Variants in AIFM3 observed in about 807,000 individuals in gnomAD.
AIFM3 encodes apoptosis-inducing factor 3.
AIFM3 carries 71 observed loss-of-function variants against 82.7 expected under a neutral mutation model. That is an observed-to-expected ratio of 0.86 (90% confidence interval 0.71 to 1.05). The LOEUF (loss-of-function observed/expected upper bound fraction) is 1.05, where lower values mean the gene tolerates loss of function less well. AIFM3 is among the 50% of genes least tolerant of loss of function. The pLI is 0.00. For synonymous variants in AIFM3, 337 were observed against 329.1 expected (o/e 1.02, Z -0.26); for missense variants, 748 against 816.7 (o/e 0.92, Z 1.03).
chr22:20,974,549 A>G lies in AIFM3; in HGVS notation c.535A>G (p.Lys179Glu), dbSNP rs144287643. 2 of 1,613,412 alleles carry G rather than the reference A, an allele frequency of 1.2e-6. No homozygotes were observed. The highest frequency in any genetic ancestry group is 2.7e-5 in the African/African-American group (2 of 74,926). The change falls in exon 7 of 21, where the codon AAG becomes GAG. Residue 179 changes from lysine (K) to glutamate (E), a missense_variant. Lys to Glu is a moderately conservative substitution (Grantham distance 56). This residue lies in a region of AIFM3 where 393 missense variants were observed against 481.1 expected (regional missense o/e 0.82). Coordinates refer to ENST00000440238, the MANE Select transcript of AIFM3 (RefSeq NM_001386814.1). The stretch of plus-strand genomic sequence containing the variant: ...GGCCCTACAGCTGCAGCGAAGGACC[A>G]AGGTGATGGCCAAGTGTATCTCTCC... ...KQALQLQRRT[K>E]VMAKCISPSA...
At chr22:20,979,807 C>A in intron 18 of AIFM3, 105 bp downstream of exon 18, 1 of 1,425,928 alleles carries the variant, frequency 7.0e-7, no homozygotes, top group Non-Finnish European at 9.8e-7. Context: ...CCCTGAGCCC[C>A]GCTGAGGAGT....
intron 3 of AIFM3, 65 bp downstream of exon 3, chr22:20,973,585 T>C: frequency 1.3e-6 from 2 of 1,507,580 alleles, no homozygotes; most frequent in Admixed American, 1.9e-5. Context: ...GAGGGGGCCA[T>C]AGCCGGGGGT....
chr22:20,973,841 C>T lies in AIFM3; in HGVS notation c.329C>T (p.Pro110Leu), dbSNP rs776278563. 18 of 1,555,622 alleles carry T rather than the reference C, an allele frequency of 1.2e-5. No individual in the cohort carries two copies. The highest frequency in any genetic ancestry group is 2.4e-5 in the South Asian group (2 of 82,976). Residue 110 changes from proline (P) to leucine (L), a missense_variant, in exon 4 of 21, where the codon CCG becomes CTG. Transcript: ENST00000440238. ...GEFHALGHKC[P>L]HYGAPLVKGV... is the part of the protein sequence containing the mutation. ...TTCCACGCCCTGGGCCATAAGTGTCCGCACTACGGCGCACCCCTGGTGAAA... is the reference window on the plus strand; with the variant it reads ...TTCCACGCCCTGGGCCATAAGTGTCTGCACTACGGCGCACCCCTGGTGAAA...
At chr22:20,977,204 C>T (rs1368464549) in intron 14 of AIFM3, 109 bp downstream of exon 14, 30 of 1,469,356 alleles carry the variant, frequency 2.0e-5, no homozygotes, top group Non-Finnish European at 2.4e-5. Flanking sequence ...GTTTCCACCA[C>T]ATCTGTCAAA....
chr22:20,971,176 C>T (rs751618283), intron 2 of AIFM3, among the ~76,000 whole-genome samples: 7 of 152,254 alleles, frequency 4.6e-5, no homozygotes, highest in African/African-American at 4.8e-5. Flanking sequence ...TGAGCTCCCA[C>T]AGCTTCCACA....
chr22:20,977,830 G>T, intron 15 of AIFM3, 54 bp downstream of exon 15: 2 of 1,614,058 alleles, frequency 1.2e-6, no homozygotes, highest in African/African-American at 2.7e-5. Context: ...GGGAGTGGCA[G>T]GAGGTTCAGG....
In AIFM3 at chr22:20,973,290, C is replaced by A; in HGVS notation, c.32-17C>A. On this transcript the variant is annotated splice_polypyrimidine_tract_variant and intron_variant, in intron 2 of 20. Coordinates refer to ENST00000440238, the MANE Select transcript of AIFM3 (RefSeq NM_001386814.1). ...GTTGGCTGAGGTGGGGGGCTCAAGGCGCTGCCTTGCCCACAGTGGAGCTCA... is the reference window on the plus strand; with the variant it reads ...GTTGGCTGAGGTGGGGGGCTCAAGGAGCTGCCTTGCCCACAGTGGAGCTCA... 6.4e-7 allele frequency: 1 copy of A among 1,560,356 alleles called. No individual in the cohort carries two copies.
At chr22:20,976,959 C>T (rs1169967002) in intron 13 of AIFM3, 21 bp downstream of exon 13, 2 of 1,613,270 alleles carry the variant, frequency 1.2e-6, no homozygotes, top group Non-Finnish European at 1.7e-6. Flanking sequence ...CTCCCTTCTC[C>T]CTGCTGCTTT....
chr22:20,979,115 G>C (rs548122007), intron 16 of AIFM3, among the ~76,000 whole-genome samples, 156 bp from the exon 17 acceptor site: 3 of 152,356 alleles, frequency 2.0e-5, no homozygotes, highest in Non-Finnish European at 4.4e-5. Context: ...AGCTGCAGGT[G>C]CAAGTGAGCA....
Position 20,979,311 on chromosome 22 carries a change from G to T in AIFM3, c.1518G>T (p.Glu506Asp). The T allele has an allele frequency of 6.4e-7, 1 of 1,560,932 alleles. No individual in the cohort carries two copies. The highest frequency in any genetic ancestry group is 2.4e-5 in the East Asian group (1 of 41,706). The change falls in exon 17 of 21, where the codon GAG becomes GAT. Residue 506 changes from glutamate (E) to aspartate (D), a missense_variant. Coordinates refer to ENST00000440238, the MANE Select transcript of AIFM3 (RefSeq NM_001386814.1). ...AGAACATGTTGGCGCAGGAGGCGGAGATGAGCACTGTGCCCTACCTCTGGA... is the reference window on the plus strand; with the variant it reads ...AGAACATGTTGGCGCAGGAGGCGGATATGAGCACTGTGCCCTACCTCTGGA... The part of the protein sequence containing the change: ...AAQNMLAQEA[E>D]MSTVPYLWTA...
chr22:20,976,150 C>A, intron 9 of AIFM3, 65 bp from the exon 10 acceptor site: 2 of 1,547,018 alleles, frequency 1.3e-6, no homozygotes, highest in South Asian at 2.3e-5. Context: ...ACTGCAGGAC[C>A]GGGGAGTGGG....
intron 14 of AIFM3, 43 bp downstream of exon 14, chr22:20,977,138 G>A (rs191045976): frequency 2.9e-5 from 46 of 1,611,802 alleles, no homozygotes; most frequent in Admixed American, 2.7e-4. Context: ...CAGCCCAGCC[G>A]TCTGCACATG....
intron 6 of AIFM3, 87 bp from the exon 7 acceptor site, chr22:20,974,438 A>C (rs1479941103): frequency 3.8e-6 from 6 of 1,560,364 alleles, no homozygotes; most frequent in African/African-American, 1.4e-5. Context: ...GGTAGGGATG[A>C]GGCTGGGCTG....
Position 20,974,269 on chromosome 22 carries a change from G to A in AIFM3, c.483G>A (p.Glu161=), listed in dbSNP as rs1360461913. 5.0e-6 allele frequency: 8 copies of A among 1,613,772 alleles called. No homozygotes were observed. The highest frequency in any genetic ancestry group is 6.8e-6 in the Non-Finnish European group (8 of 1,180,020). ...CCTTGCAGGTGAAGATTGAGAAGGA[G>A]AAGGTGTACGTCCGGGCCAGCAAGC... is the stretch of plus-strand genomic sequence containing the variant. ...LHKFQVKIEK[E]KVYVRASKQA... The change falls in exon 6 of 21, where the codon GAG becomes GAA. Residue 161 remains glutamate, a synonymous_variant. Coordinates refer to ENST00000440238, the MANE Select transcript of AIFM3 (RefSeq NM_001386814.1).
At chr22:20,969,471 C>A (rs1445253608) in intron 2 of AIFM3, among the ~76,000 whole-genome samples, 1 of 152,128 alleles carries the variant, frequency 6.6e-6, no homozygotes, top group African/African-American at 2.4e-5. Context: ...ACTCCTTCTC[C>A]CATGCTGGAG....
chr22:20,969,241 C>G (rs1221516269), intron 2 of AIFM3, among the ~76,000 whole-genome samples: 2 of 152,162 alleles, frequency 1.3e-5, no homozygotes, highest in Non-Finnish European at 2.9e-5. Context: ...ACCCGTGGCC[C>G]CAGGACTTCC....
At chr22:20,966,828 C>A (rs1013647997), upstream of AIFM3, 1 of 152,296 alleles carries the variant, frequency 6.6e-6, no homozygotes, top group African/African-American at 2.4e-5. Flanking sequence ...TGGGCCCCTG[C>A]CCACCTTAAA....
chr22:20,976,538 G>T lies in AIFM3; in HGVS notation c.1030G>T (p.Gly344Trp). The change falls in exon 11 of 21, where the codon GGG becomes TGG. Residue 344 changes from glycine to tryptophan, a missense_variant and splice_region_variant. Gly to Trp is a radical substitution (Grantham distance 184). Transcript: ENST00000440238. ...NVVVVGAGFL[G>W]MEVAAYLTEK... ...GGTCGTCGTGGGAGCCGGCTTCCTG[G>T]GTGAGAGGTAGTGGGCAGTGGAGAT... The T allele has an allele frequency of 1.2e-6, 2 of 1,613,264 alleles. No individual in the cohort carries two copies. Among genetic ancestry groups the T allele is most frequent in the Non-Finnish European group, 1.7e-6 (2 of 1,180,028 alleles).
At chr22:20,979,404 G>T (rs777148808) in intron 17 of AIFM3, 35 bp downstream of exon 17, 4 of 1,539,002 alleles carry the variant, frequency 2.6e-6, no homozygotes, top group African/African-American at 1.4e-5. Context: ...GCGGGGCCGA[G>T]GGCGTTTAGG....
Sources: gnomAD v4.1 joint callset for allele counts (sites outside exome capture counted in the v4.1 genomes callset) on GRCh38, gnomAD v4.1.1 for gene constraint, gnomAD v4.1.1 regional missense constraint, MANE v1.5 for transcripts, NCBI Gene and HGNC (gene_info 2026-07-23, HGNC 2026-07-21) for gene names.